Variants in CDK6 observed in about 807,000 individuals in gnomAD.
CDK6 encodes cyclin-dependent kinase 6.
A neutral mutation model predicts 37.1 loss-of-function variants in CDK6; 6 were observed. That is an observed-to-expected ratio of 0.16 (90% confidence interval 0.09 to 0.32). CDK6 has a LOEUF of 0.32. Ranked by LOEUF, CDK6 falls within the 10% of genes least tolerant of loss-of-function variation. The probability of loss-of-function intolerance (pLI) is 1.00; values close to 1 mark genes in which losing one functional copy is unlikely to be tolerated. For synonymous variants in CDK6, 160 were observed against 161.3 expected, an observed-to-expected ratio of 0.99 and a Z score of 0.06; for missense variants, 224 against 418.9, an observed-to-expected ratio of 0.53 and a Z score of 4.06.
In CDK6 at chr7:92,669,117, C is replaced by A. The variant is rs956833755; in HGVS notation, c.647+2309G>T. On this transcript the variant is annotated intron_variant, in intron 5 of 7. Coordinates refer to ENST00000424848, the MANE Select transcript of CDK6 (RefSeq NM_001145306.2). ...CAATATTTGAGTCCTACTTCTCAGT[C>A]CCAATGCTGAGATGGAGAGATAAGT... 4.6e-5 allele frequency among the ~76,000 whole-genome samples: 7 copies of A among 152,204 alleles called. No homozygotes were observed. The South Asian group carries it at 6.2e-4, about 13-fold the overall frequency.
chr7:92,711,323 T>C (rs759318590), intron 4 of CDK6, among the ~76,000 whole-genome samples: 5 of 151,902 alleles, frequency 3.3e-5, no homozygotes, highest in Admixed American at 3.3e-4. Flanking sequence ...CTAGGATAAA[T>C]AAATGGAAAC....
intron 3 of CDK6, among the ~76,000 whole-genome samples, chr7:92,769,096 C>T (rs1179105486): frequency 6.6e-6 from 1 of 152,042 alleles, no homozygotes; most frequent in East Asian, 1.9e-4. Flanking sequence ...CAGACATTTC[C>T]CAGAGGCAAA....
At chr7:92,628,163 A>C (rs1323648455) in intron 5 of CDK6, among the ~76,000 whole-genome samples, 2 of 152,136 alleles carry the variant, frequency 1.3e-5, no homozygotes, top group Non-Finnish European at 2.9e-5. Flanking sequence ...CATGCAAAAA[A>C]AGGCACTGGT....
intron 2 of CDK6, among the ~76,000 whole-genome samples, chr7:92,809,459 C>A (rs765918196): frequency 1.8e-4 from 27 of 152,184 alleles, no homozygotes; most frequent in Non-Finnish European, 3.5e-4. Context: ...ATTACCTTCC[C>A]TTACTTGGCC....
intron 5 of CDK6, among the ~76,000 whole-genome samples, chr7:92,646,207 C>A (rs3731334): frequency 0.044 from 6,654 of 152,140 alleles, 178 homozygotes; most frequent in Non-Finnish European, 0.058. Context: ...AAATCTGTAC[C>A]ATGTGGCTCA....
intron 5 of CDK6, among the ~76,000 whole-genome samples, chr7:92,625,219 AACAC>A (rs71699291): frequency 0.074 from 10,540 of 141,844 alleles, 424 homozygotes; most frequent in African/African-American, 0.12. Context: ...GTGGTAACTA[AACAC>A]ACACACACAC....
intron 5 of CDK6, among the ~76,000 whole-genome samples, chr7:92,663,725 A>C (rs1253907686): frequency 6.6e-6 from 1 of 151,772 alleles, no homozygotes; most frequent in Non-Finnish European, 1.5e-5. Context: ...AATTTAAAAA[A>C]TCAATATTAA....
chr7:92,770,985 C>T (rs1057288664), intron 3 of CDK6, among the ~76,000 whole-genome samples: 8 of 151,808 alleles, frequency 5.3e-5, no homozygotes, highest in African/African-American at 1.2e-4. Context: ...GCCTGTAATC[C>T]CAGCACTTTG....
At chr7:92,811,598 C>T (rs1220036871) in intron 2 of CDK6, among the ~76,000 whole-genome samples, 2 of 151,668 alleles carry the variant, frequency 1.3e-5, no homozygotes, top group Admixed American at 6.6e-5. Flanking sequence ...TTGAACAGCT[C>T]CTATGTCCGT....
intron 3 of CDK6, among the ~76,000 whole-genome samples, chr7:92,755,988 C>T (rs1273270339): frequency 6.6e-6 from 1 of 152,048 alleles, no homozygotes; most frequent in East Asian, 1.9e-4. Flanking sequence ...TAATTGCCCA[C>T]AACGTTTTGC....
chr7:92,738,220 G>A (rs1481972595), intron 3 of CDK6, among the ~76,000 whole-genome samples: 1 of 152,170 alleles, frequency 6.6e-6, no homozygotes. Flanking sequence ...GAAAAGCATG[G>A]AGGTGCAGAG....
At chr7:92,748,409 A>T in intron 3 of CDK6, among the ~76,000 whole-genome samples, 1 of 152,200 alleles carries the variant, frequency 6.6e-6, no homozygotes, top group African/African-American at 2.4e-5. Flanking sequence ...TGCCAGTATT[A>T]TTACTGGTCA....
At chr7:92,784,647 G>A (rs923986603) in intron 2 of CDK6, among the ~76,000 whole-genome samples, 1 of 152,148 alleles carries the variant, frequency 6.6e-6, no homozygotes, top group Non-Finnish European at 1.5e-5. Flanking sequence ...TGGGGTGAGG[G>A]GAACTCAAGT....
chr7:92,814,439 G>A (rs893367446), intron 2 of CDK6, among the ~76,000 whole-genome samples: 2 of 151,296 alleles, frequency 1.3e-5, no homozygotes, highest in Non-Finnish European at 2.9e-5. Flanking sequence ...TGGTTCACAT[G>A]CCCTTTGACA....
At chr7:92,758,179 T>G (rs1370029212) in intron 3 of CDK6, among the ~76,000 whole-genome samples, 1 of 152,158 alleles carries the variant, frequency 6.6e-6, no homozygotes, top group Non-Finnish European at 1.5e-5. Flanking sequence ...ATTTTTGCTT[T>G]TGGTGTCTTT....
chr7:92,791,903 A>G (rs1351565908), intron 2 of CDK6, among the ~76,000 whole-genome samples: 4 of 152,170 alleles, frequency 2.6e-5, no homozygotes, highest in Non-Finnish European at 5.9e-5. Flanking sequence ...AGAGCTGGAA[A>G]AGTACACAGA....
At chr7:92,818,581 A>G (rs889621033) in intron 2 of CDK6, among the ~76,000 whole-genome samples, 1 of 151,468 alleles carries the variant, frequency 6.6e-6, no homozygotes, top group African/African-American at 2.4e-5. Flanking sequence ...GCTATCAAAG[A>G]AAAAAAAAGA....
intron 7 of CDK6, among the ~76,000 whole-genome samples, chr7:92,617,591 T>C (rs972794799): frequency 2.0e-5 from 3 of 152,166 alleles, no homozygotes; most frequent in African/African-American, 7.2e-5. Context: ...GTATTTTATA[T>C]GTCCCTGGCA....
chr7:92,669,137 A>G (rs1231641019), intron 5 of CDK6, among the ~76,000 whole-genome samples: 1 of 152,232 alleles, frequency 6.6e-6, no homozygotes, highest in African/African-American at 2.4e-5. Flanking sequence ...AGATGGAGAG[A>G]TAAGTATTCC....
Sources: gnomAD v4.1 joint callset for allele counts (sites outside exome capture counted in the v4.1 genomes callset) on GRCh38, gnomAD v4.1.1 for gene constraint, MANE v1.5 for transcripts, NCBI Gene and HGNC (gene_info 2026-07-23, HGNC 2026-07-21) for gene names.